AOAH: variants seen among roughly 807,000 people sequenced by gnomAD.
AOAH encodes the protein acyloxyacyl hydrolase, also known as acyloxyacyl hydrolase (neutrophil).
AOAH carries 64 observed loss-of-function variants against 92.2 expected under a neutral mutation model. That is an observed-to-expected ratio of 0.69 (90% confidence interval 0.57 to 0.86). The LOEUF (loss-of-function observed/expected upper bound fraction) is 0.86, where lower values mean the gene tolerates loss of function less well. AOAH is among the 40% of genes least tolerant of loss of function. The pLI, the probability that AOAH is intolerant of heterozygous loss-of-function variation, is 0.00. For synonymous variants in AOAH, 263 were observed against 254.5 expected (o/e 1.03, Z -0.32); for missense variants, 656 against 694.6 (o/e 0.94, Z 0.62).
chr7:36,697,442 CA>C (rs1206692650), intron 1 of AOAH, among the ~76,000 whole-genome samples: 1 of 152,108 alleles, frequency 6.6e-6, no homozygotes, highest in Non-Finnish European at 1.5e-5. Flanking sequence ...TTCAGTTTGT[CA>C]ATATTTTGTT....
intron 1 of AOAH, among the ~76,000 whole-genome samples, chr7:36,699,026 T>TA (rs1554320648): frequency 3.3e-5 from 5 of 151,912 alleles, no homozygotes; most frequent in South Asian, 4.1e-4. Context: ...CATTTTTTTT[T>TA]ATCCCACATG....
chr7:36,660,136 C>A (rs751215746), intron 3 of AOAH, among the ~76,000 whole-genome samples: 1 of 152,154 alleles, frequency 6.6e-6, no homozygotes, highest in Admixed American at 6.5e-5. Flanking sequence ...TATAAAGCAA[C>A]CGCTTCCCCA....
intron 20 of AOAH, among the ~76,000 whole-genome samples, chr7:36,514,190 G>A (rs1341371433): frequency 1.3e-5 from 2 of 152,180 alleles, no homozygotes; most frequent in Non-Finnish European, 2.9e-5. Context: ...TGAAGAAGGT[G>A]GCGGCTGAGA....
chr7:36,606,223 T>C (rs1391538339), intron 11 of AOAH, among the ~76,000 whole-genome samples: 2 of 151,978 alleles, frequency 1.3e-5, no homozygotes, highest in Non-Finnish European at 2.9e-5. Flanking sequence ...GCAGGGCGGG[T>C]GAGTGAGCGT....
At chr7:36,675,327 C>A (rs1411769395) in intron 2 of AOAH, among the ~76,000 whole-genome samples, 1 of 152,098 alleles carries the variant, frequency 6.6e-6, no homozygotes, top group Non-Finnish European at 1.5e-5. Context: ...TATGAGTGAC[C>A]TTAAAGAAAT....
intron 20 of AOAH, among the ~76,000 whole-genome samples, chr7:36,520,452 TC>T: frequency 6.6e-6 from 1 of 152,322 alleles, no homozygotes; most frequent in Non-Finnish European, 1.5e-5. Flanking sequence ...ACGCCTGTAA[TC>T]CCAGCACTTT....
At position 36,594,274 on chromosome 7, in the gene AOAH, C is replaced by G. The variant is rs183841717; in HGVS notation, c.938+65G>C. ...GCATTTCAACATCTTGGTAGCAACC[C>G]CCATCTCTTGTTCTTTCCTTACACA... On this transcript the variant is annotated intron_variant, in intron 12 of 20. Transcript: ENST00000617537. The G allele has an allele frequency of 2.3e-5, 29 of 1,282,454 alleles. No individual in the cohort carries two copies. In the African/African-American group the frequency reaches 3.5e-4, roughly 16 times the overall value. 79.4% of individuals were successfully genotyped at this position (1,282,454 alleles called of 1,614,324 possible). A position where few individuals can be genotyped will look rare whatever the true frequency, so the allele number is the denominator to read the frequency against.
chr7:36,675,414 TAGAA>T (rs979894022), intron 2 of AOAH, among the ~76,000 whole-genome samples: 11 of 152,178 alleles, frequency 7.2e-5, no homozygotes, highest in Non-Finnish European at 1.5e-4. Context: ...AAAAAATTCT[TAGAA>T]AGACACATAA....
chr7:36,536,123 G>C (rs916827325), intron 16 of AOAH, among the ~76,000 whole-genome samples: 1 of 152,076 alleles, frequency 6.6e-6, no homozygotes, highest in Non-Finnish European at 1.5e-5. Flanking sequence ...CTCTTGTTCT[G>C]GGCCTCTGAG....
chr7:36,659,500 A>G (rs1795078953), intron 3 of AOAH, among the ~76,000 whole-genome samples: 1 of 152,188 alleles, frequency 6.6e-6, no homozygotes, highest in Admixed American at 6.5e-5. Context: ...CATGCACAGC[A>G]CTGAGCTGCC....
rs933462954 is a variant in AOAH at position 36,599,416 on chromosome 7, A to G, written c.847-4986T>C. 3.9e-5 allele frequency among the ~76,000 whole-genome samples: 6 copies of G among 152,254 alleles called. No individual in the cohort carries two copies. The East Asian group carries it at 1.2e-3, about 29-fold the overall frequency. On this transcript the variant is annotated intron_variant, in intron 11 of 20. Coordinates refer to ENST00000617537, the MANE Select transcript of AOAH (RefSeq NM_001637.4). ...TCAGTGCCTTTCCTTCACTGTTTAC[A>G]TTTGGGCTCTCTCCATCCTGCACTG... is the stretch of plus-strand genomic sequence containing the variant.
Position 36,649,749 on chromosome 7 carries a change from T to C in AOAH, c.390+9417A>G, listed in dbSNP as rs146078427. 7.8e-3 allele frequency among the ~76,000 whole-genome samples: 1,192 copies of C among 152,272 alleles called. 21 individuals are homozygous for C. Among genetic ancestry groups the C allele is most frequent in the African/African-American group, 0.028 (1,144 of 41,562 alleles). ...TGTTTGTTACGACTTGAGCTGAGCT[T>C]TCACTTGCTGTCCACCACTGCTGTT... On this transcript the variant is annotated intron_variant, in intron 4 of 20. Coordinates refer to ENST00000617537, the MANE Select transcript of AOAH (RefSeq NM_001637.4).
intron 13 of AOAH, among the ~76,000 whole-genome samples, chr7:36,561,323 T>C (rs1471447021): frequency 2.0e-5 from 3 of 152,202 alleles, no homozygotes; most frequent in African/African-American, 4.8e-5. Flanking sequence ...ATTACAGGCA[T>C]GAGCCACCAT....
Position 36,693,939 on chromosome 7 carries a change from T to C in AOAH, c.128-7145A>G, listed in dbSNP as rs543448701. ...TTGAAGGACCTTTGATATAGCAATG[T>C]CACAGAATTCTTTGAACTTCTTCTG... On this transcript the variant is annotated intron_variant, in intron 1 of 20. Coordinates refer to ENST00000617537, the MANE Select transcript of AOAH (RefSeq NM_001637.4). Among the ~76,000 whole-genome samples the C allele has an allele frequency of 7.2e-5, 11 of 152,304 alleles. No individual in the cohort carries two copies. The East Asian group carries it at 2.1e-3, about 29-fold the overall frequency.
At chr7:36,568,327 G>T (rs1787858565) in intron 13 of AOAH, among the ~76,000 whole-genome samples, 1 of 152,200 alleles carries the variant, frequency 6.6e-6, no homozygotes, top group Non-Finnish European at 1.5e-5. Flanking sequence ...TATAAAAGAA[G>T]AACTGTCCTT....
At chr7:36,637,645 G>A (rs928619420) in intron 5 of AOAH, among the ~76,000 whole-genome samples, 2 of 151,710 alleles carry the variant, frequency 1.3e-5, no homozygotes, top group African/African-American at 4.9e-5. Flanking sequence ...GGTGTCAGCA[G>A]TGCTGAGGCT....
chr7:36,605,426 A>G (rs745541761), intron 11 of AOAH, among the ~76,000 whole-genome samples: 1 of 152,196 alleles, frequency 6.6e-6, no homozygotes, highest in African/African-American at 2.4e-5. Context: ...AGAGTGAAGC[A>G]GGTGACAGAC....
chr7:36,543,947 C>CTTTTTT (rs1219471100), intron 15 of AOAH, among the ~76,000 whole-genome samples: 2 of 91,008 alleles, frequency 2.2e-5, no homozygotes, highest in Non-Finnish European at 2.0e-5. Flanking sequence ...TTCTTTCTTT[C>CTTTTTT]TTTTTTTTTT....
chr7:36,599,113 T>G (rs766792195), intron 11 of AOAH, among the ~76,000 whole-genome samples: 2 of 152,250 alleles, frequency 1.3e-5, no homozygotes, highest in African/African-American at 4.8e-5. Flanking sequence ...TACAGCATAG[T>G]TGGCACATGT....
Sources: allele counts gnomAD v4.1 joint callset (sites outside exome capture counted in the v4.1 genomes callset), GRCh38; gene constraint gnomAD v4.1.1; transcripts MANE v1.5; gene names NCBI Gene and HGNC (gene_info 2026-07-23, HGNC 2026-07-21).